The following ENTREP2 variants were observed in gnomAD, a reference collection of about 807,000 sequenced individuals.
ENTREP2 encodes the protein protein ENTREP2.
chr15:29,149,499 G>C, the ENTREP2 span, among the ~76,000 whole-genome samples: 1 of 152,240 alleles, frequency 6.6e-6, no homozygotes, highest in Non-Finnish European at 1.5e-5. Context: ...CGCACAGCCA[G>C]CCTGGCTCAA....
At chr15:29,427,742 C>A in the ENTREP2 span, among the ~76,000 whole-genome samples, 2 of 152,182 alleles carry the variant, frequency 1.3e-5, no homozygotes, top group African/African-American at 4.8e-5. Flanking sequence ...TCTACAAAGC[C>A]CCTTTTGCCA....
At chr15:29,347,920 A>T in the ENTREP2 span, among the ~76,000 whole-genome samples, 1 of 152,182 alleles carries the variant, frequency 6.6e-6, no homozygotes, top group Non-Finnish European at 1.5e-5. Context: ...TTGTATTGGG[A>T]GACCAAACTT....
chr15:29,402,028 A>C, the ENTREP2 span, among the ~76,000 whole-genome samples: 1 of 152,064 alleles, frequency 6.6e-6, no homozygotes, highest in Non-Finnish European at 1.5e-5. Context: ...TTAAATGTGT[A>C]ACTTTCTGTA....
chr15:29,196,353 T>C, the ENTREP2 span: 3 of 1,491,104 alleles, frequency 2.0e-6, no homozygotes, highest in Non-Finnish European at 2.7e-6. Flanking sequence ...AAGGAATCTA[T>C]ATGTTAATAA....
At chr15:29,195,122 G>T in the ENTREP2 span, 1 of 985,214 alleles carries the variant, frequency 1.0e-6, no homozygotes, top group South Asian at 4.7e-5. Flanking sequence ...CTGGTCCCAT[G>T]ATGGGATGGG....
At chr15:29,576,736 T>C in the ENTREP2 span, among the ~76,000 whole-genome samples, 1 of 152,338 alleles carries the variant, frequency 6.6e-6, no homozygotes, top group East Asian at 1.9e-4. Context: ...TCACTCATCA[T>C]TGGGGAAATG....
chr15:29,557,597 G>C, the ENTREP2 span, among the ~76,000 whole-genome samples: 1 of 152,186 alleles, frequency 6.6e-6, no homozygotes, highest in Non-Finnish European at 1.5e-5. Flanking sequence ...CACGGGAGGG[G>C]AGAAGTGGTG....
At chr15:29,175,096 G>A in the ENTREP2 span, among the ~76,000 whole-genome samples, 3 of 152,104 alleles carry the variant, frequency 2.0e-5, no homozygotes, top group Non-Finnish European at 2.9e-5. Context: ...CTAGTGTCCC[G>A]GGTAGCAGCC....
chr15:29,341,432 G>A, the ENTREP2 span, among the ~76,000 whole-genome samples: 1 of 152,204 alleles, frequency 6.6e-6, no homozygotes, highest in Non-Finnish European at 1.5e-5. Flanking sequence ...CATAACCAGG[G>A]TGCTACGGGC....
chr15:29,406,357 G>C, the ENTREP2 span, among the ~76,000 whole-genome samples: 1 of 152,106 alleles, frequency 6.6e-6, no homozygotes, highest in African/African-American at 2.4e-5. Flanking sequence ...GACCAGTTTG[G>C]CCAACATGGC....
At chr15:29,194,450 T>C in the ENTREP2 span, among the ~76,000 whole-genome samples, 1 of 152,222 alleles carries the variant, frequency 6.6e-6, no homozygotes, top group Non-Finnish European at 1.5e-5. Context: ...CACAAATTCA[T>C]GAGGGAGTTT....
At chr15:29,655,782 TGAG>T in the ENTREP2 span, among the ~76,000 whole-genome samples, 1 of 152,052 alleles carries the variant, frequency 6.6e-6, no homozygotes, top group Non-Finnish European at 1.5e-5. Flanking sequence ...TCCCAGCACT[TGAG>T]GAGGCCAAGG....
chr15:29,514,007 G>A, the ENTREP2 span, among the ~76,000 whole-genome samples: 2 of 152,192 alleles, frequency 1.3e-5, no homozygotes, highest in East Asian at 1.9e-4. Context: ...GTGCTCCGGG[G>A]GAAAAACAGA....
the ENTREP2 span, among the ~76,000 whole-genome samples, chr15:29,664,981 T>C: frequency 0.058 from 8,787 of 152,228 alleles, 747 homozygotes; most frequent in African/African-American, 0.19. Flanking sequence ...TTTTCTGAAG[T>C]CCTTAAGTCT....
chr15:29,241,736 C>T, the ENTREP2 span, among the ~76,000 whole-genome samples: 416 of 152,290 alleles, frequency 2.7e-3, 4 homozygotes, highest in African/African-American at 9.5e-3. Context: ...CAAACTTCTG[C>T]AGAATGAATT....
the ENTREP2 span, among the ~76,000 whole-genome samples, chr15:29,182,272 C>A: frequency 2.0e-5 from 3 of 151,826 alleles, no homozygotes; most frequent in South Asian, 6.2e-4. Flanking sequence ...CTACAGGCGC[C>A]CGCCACCGCA....
At chr15:29,214,337 C>T in the ENTREP2 span, among the ~76,000 whole-genome samples, 1 of 152,190 alleles carries the variant, frequency 6.6e-6, no homozygotes, top group African/African-American at 2.4e-5. Context: ...GGCACATATA[C>T]ACCATGCAAT....
At chr15:29,313,542 A>G in the ENTREP2 span, among the ~76,000 whole-genome samples, 2 of 150,156 alleles carry the variant, frequency 1.3e-5, no homozygotes, top group African/African-American at 4.8e-5. Context: ...GGATGACAAC[A>G]TATCTGTTTA....
the ENTREP2 span, among the ~76,000 whole-genome samples, chr15:29,405,392 A>G: frequency 7.2e-6 from 1 of 138,104 alleles, no homozygotes; most frequent in Non-Finnish European, 1.5e-5. Context: ...CCGTCTCCAG[A>G]AAAAAAAAAA....
Sources: allele counts gnomAD v4.1 joint callset (sites outside exome capture counted in the v4.1 genomes callset), GRCh38; gene constraint gnomAD v4.1.1; transcripts MANE v1.5; gene names NCBI Gene and HGNC (gene_info 2026-07-23, HGNC 2026-07-21).